COBL: variants seen among roughly 807,000 people sequenced by gnomAD.
The protein encoded by COBL is cordon-bleu WH2 repeat protein.
COBL carries 51 observed loss-of-function variants against 98.8 expected under a neutral mutation model. The ratio of observed to expected loss-of-function variants is 0.52; its 90% CI spans 0.41 to 0.65. The LOEUF (loss-of-function observed/expected upper bound fraction) is 0.65, where lower values mean the gene tolerates loss of function less well. Ranked by LOEUF, COBL falls within the 30% of genes least tolerant of loss-of-function variation. COBL has a pLI of 0.00. For synonymous variants in COBL, 634 were observed against 651.7 expected (o/e 0.97, Z 0.41); for missense variants, 1,617 against 1,617.5 (o/e 1.00, Z 0.01).
chr7:51,104,690 C>G (rs565359709), intron 6 of COBL, among the ~76,000 whole-genome samples: 1 of 152,224 alleles, frequency 6.6e-6, no homozygotes, highest in African/African-American at 2.4e-5. Context: ...GCCTGGAGAC[C>G]CTGACATCAC....
At position 51,026,589 on chromosome 7, in the gene COBL, A is replaced by G. The variant is rs1467803865; in HGVS notation, c.3461T>C (p.Leu1154Pro). The change falls in exon 11 of 13, where the codon CTG becomes CCG. Residue 1154 changes from leucine (L) to proline (P), a missense_variant. This residue lies in a region of COBL where 1,304 missense variants were observed against 1,282.0 expected (regional missense o/e 1.02). Transcript: ENST00000265136. ...GCCGCTGTGCCCGCGGATAGCTGCCAGCAGTGCAGATCGTTCGCCCTCTGC... is the reference window on the plus strand; with the variant it reads ...GCCGCTGTGCCCGCGGATAGCTGCCGGCAGTGCAGATCGTTCGCCCTCTGC... The part of the protein sequence containing the change: ...TEAEGERSAL[L>P]AAIRGHSGTC... 2 of 1,614,206 alleles carry G rather than the reference A, an allele frequency of 1.2e-6. No individual in the cohort carries two copies. Among genetic ancestry groups the G allele is most frequent in the Non-Finnish European group, 1.7e-6 (2 of 1,180,042 alleles).
intron 12 of COBL, chr7:51,018,249 G>T: frequency 6.9e-6 from 1 of 145,746 alleles, no homozygotes; most frequent in South Asian, 2.2e-4. Context: ...CTGTGGTGGT[G>T]ACGATGGTGG....
intron 7 of COBL, chr7:51,065,432 C>T (rs1791820890): frequency 1.4e-6 from 1 of 701,658 alleles, no homozygotes; most frequent in Non-Finnish European, 2.6e-6. Context: ...CTTATCACAG[C>T]TTCAGCTGCT....
rs558499237 is a variant in COBL, at chr7:51,144,962, T to C, written c.784-8631A>G. On this transcript the variant is annotated intron_variant, in intron 5 of 12. Coordinates refer to ENST00000265136, the MANE Select transcript of COBL (RefSeq NM_015198.5). ...CATGGGCATTAGAATTGTTTCTACTTTTTGGCTACTGTGAACAGAGCTGCT... is the reference window on the plus strand; with the variant it reads ...CATGGGCATTAGAATTGTTTCTACTCTTTGGCTACTGTGAACAGAGCTGCT... Among the ~76,000 whole-genome samples, 6 of 152,356 alleles carry C rather than the reference T, an allele frequency of 3.9e-5. No individual in the cohort carries two copies. In the South Asian group the frequency reaches 1.2e-3, roughly 32 times the overall value.
intron 6 of COBL, among the ~76,000 whole-genome samples, chr7:51,112,521 T>A (rs974230539): frequency 6.6e-6 from 1 of 152,204 alleles, no homozygotes; most frequent in Non-Finnish European, 1.5e-5. Flanking sequence ...TGCAGATGCA[T>A]AGGTTACAAT....
rs979894915 is a variant in COBL at position 51,017,358 on chromosome 7, C to T, written c.*193G>A. On this transcript the variant is annotated 3_prime_UTR_variant, in exon 13 of 13. Transcript: ENST00000265136. ...ACACATTTCCTTGGCACACGAGCTG[C>T]GCAGCGACACAGCATCTTCTCCTTT... 52 of 626,782 alleles carry T rather than the reference C, an allele frequency of 8.3e-5. No individual in the cohort carries two copies. The highest frequency in any genetic ancestry group is 6.7e-4 in the African/African-American group (37 of 54,842). The allele number at this position is 626,782 out of a possible 1,614,324, so 38.8% of individuals were successfully genotyped here. A position where few individuals can be genotyped will look rare whatever the true frequency, so the allele number is the denominator to read the frequency against.
intron 1 of COBL, among the ~76,000 whole-genome samples, chr7:51,267,480 TTA>T (rs547550558): frequency 4.6e-5 from 7 of 150,736 alleles, no homozygotes; most frequent in Admixed American, 6.6e-5. Flanking sequence ...ATTTGTATTT[TTA>T]TATATATATA....
At chr7:51,226,681 C>T (rs1794229115) in intron 1 of COBL, among the ~76,000 whole-genome samples, 1 of 152,152 alleles carries the variant, frequency 6.6e-6, no homozygotes, top group Non-Finnish European at 1.5e-5. Context: ...GCCCAGAAGA[C>T]AGCTGAGTGC....
At chr7:51,160,229 G>A (rs1295118271) in intron 5 of COBL, among the ~76,000 whole-genome samples, 1 of 152,148 alleles carries the variant, frequency 6.6e-6, no homozygotes, top group Admixed American at 6.5e-5. Context: ...AAGAACCTTA[G>A]AATGATTTTT....
intron 5 of COBL, among the ~76,000 whole-genome samples, chr7:51,136,718 A>G (rs1799273839): frequency 6.6e-6 from 1 of 152,224 alleles, no homozygotes; most frequent in South Asian, 2.1e-4. Context: ...GGAACTGATC[A>G]AGAAATACAT....
At chr7:51,259,874 AT>A in intron 1 of COBL, 1 of 756,700 alleles carries the variant, frequency 1.3e-6, no homozygotes, top group South Asian at 1.3e-5. Context: ...CAGTAAACTC[AT>A]GTCATTAATC....
chr7:51,039,916 G>A (rs1789002181), intron 8 of COBL, among the ~76,000 whole-genome samples: 2 of 152,160 alleles, frequency 1.3e-5, no homozygotes, highest in African/African-American at 4.8e-5. Context: ...AACCCACAGG[G>A]TGACAGTTGG....
At chr7:51,241,299 CT>C (rs933769990) in intron 1 of COBL, among the ~76,000 whole-genome samples, 2 of 152,200 alleles carry the variant, frequency 1.3e-5, no homozygotes, top group African/African-American at 4.8e-5. Flanking sequence ...CTTAGTATGT[CT>C]ATATTTGCAG....
intron 2 of COBL, among the ~76,000 whole-genome samples, chr7:51,202,280 TGAA>T (rs1221538317): frequency 3.3e-5 from 5 of 152,158 alleles, no homozygotes; most frequent in Admixed American, 6.5e-5. Flanking sequence ...CCTAAAATTG[TGAA>T]GAAGAAAAAA....
chr7:51,258,307 C>T, intron 1 of COBL, among the ~76,000 whole-genome samples: 1 of 152,136 alleles, frequency 6.6e-6, no homozygotes, highest in Non-Finnish European at 1.5e-5. Context: ...CAGGAATCTC[C>T]AGATTCAATT....
At chr7:51,073,561 G>A (rs1023527240) in intron 7 of COBL, among the ~76,000 whole-genome samples, 21 of 152,156 alleles carry the variant, frequency 1.4e-4, no homozygotes, top group African/African-American at 5.1e-4. Context: ...TTGTATGCCA[G>A]CTGTGGAAAG....
chr7:51,256,668 G>T (rs201236615), intron 1 of COBL, among the ~76,000 whole-genome samples: 1 of 152,214 alleles, frequency 6.6e-6, no homozygotes, highest in East Asian at 1.9e-4. Flanking sequence ...CCAGGCAGAG[G>T]CAGGGCAAGT....
At chr7:51,310,929 T>C (rs1449585649) in intron 1 of COBL, among the ~76,000 whole-genome samples, 1 of 151,968 alleles carries the variant, frequency 6.6e-6, no homozygotes, top group Non-Finnish European at 1.5e-5. Context: ...GTGCTGGGAT[T>C]ACAGGCGTAA....
intron 8 of COBL, chr7:51,032,633 T>C (rs1211248273): frequency 1.3e-5 from 2 of 152,236 alleles, no homozygotes; most frequent in African/African-American, 4.8e-5. Flanking sequence ...GCTAATGTCC[T>C]CTGACAAGCT....
Sources: gnomAD v4.1 joint callset for allele counts (sites outside exome capture counted in the v4.1 genomes callset) on GRCh38, gnomAD v4.1.1 for gene constraint, gnomAD v4.1.1 regional missense constraint, MANE v1.5 for transcripts, NCBI Gene and HGNC (gene_info 2026-07-23, HGNC 2026-07-21) for gene names.